ZNF423: variants seen among roughly 807,000 people sequenced by gnomAD.
ZNF423 encodes the protein Ebf-associated zinc finger protein.
ZNF423 carries 12 observed loss-of-function variants against 95.8 expected under a neutral mutation model. That is an observed-to-expected ratio of 0.13 (90% CI 0.08 to 0.20). The LOEUF is 0.20. Among genes scored for constraint, ZNF423 ranks in the 10% least tolerant of loss-of-function variants. ZNF423 has a pLI of 1.00. For missense variants in ZNF423, 1,316 were observed against 1,737.1 expected (o/e 0.76, Z 4.31); for synonymous variants, 749 against 711.9 (o/e 1.05, Z -0.83).
intron 3 of ZNF423, among the ~76,000 whole-genome samples, chr16:49,646,972 T>C (rs935758811): frequency 2.0e-5 from 3 of 152,198 alleles, no homozygotes; most frequent in African/African-American, 7.2e-5. Flanking sequence ...CCCCTTTTTA[T>C]AACTGTGCAA....
At chr16:49,624,116 T>C (rs1042590585) in intron 5 of ZNF423, among the ~76,000 whole-genome samples, 5 of 152,140 alleles carry the variant, frequency 3.3e-5, no homozygotes, top group African/African-American at 1.2e-4. Flanking sequence ...CCAAATCCTA[T>C]ATTCCCATTT....
At chr16:49,644,663 A>C (rs1973108068) in intron 3 of ZNF423, among the ~76,000 whole-genome samples, 1 of 50,878 alleles carries the variant, frequency 2.0e-5, no homozygotes, top group East Asian at 5.5e-4. Context: ...TGACTCAAAA[A>C]AAAAAAAAAA....
chr16:49,554,762 A>T (rs6500233), intron 5 of ZNF423, among the ~76,000 whole-genome samples: 1 of 151,980 alleles, frequency 6.6e-6, no homozygotes, highest in African/African-American at 2.4e-5. Context: ...AAAAACAGAT[A>T]AAGATCGCCC....
At chr16:49,803,401 C>T (rs564092075) in intron 1 of ZNF423, among the ~76,000 whole-genome samples, 2 of 152,176 alleles carry the variant, frequency 1.3e-5, no homozygotes, top group African/African-American at 4.8e-5. Context: ...GTAAGAGAAT[C>T]CACGCTGCAA....
chr16:49,657,262 G>A (rs918615878), intron 3 of ZNF423, among the ~76,000 whole-genome samples: 6 of 152,228 alleles, frequency 3.9e-5, no homozygotes, highest in African/African-American at 1.4e-4. Context: ...CCTAGCCCCA[G>A]GGTCCCACCC....
In ZNF423 at chr16:49,569,977, G is replaced by T. The variant is rs138319776; in HGVS notation, c.3602-44483C>A. On this transcript the variant is annotated intron_variant, in intron 5 of 7. Coordinates refer to ENST00000563137, the MANE Select transcript of ZNF423 (RefSeq NM_001379286.1). Reference sequence around the variant, plus strand: ...GGAATTCAGAGCTGCTAAAGGAGGTGCTGAACTAGCACTTGAAGCCATCTG... The same window carrying T: ...GGAATTCAGAGCTGCTAAAGGAGGTTCTGAACTAGCACTTGAAGCCATCTG... Among the ~76,000 whole-genome samples the T allele has an allele frequency of 1.8e-4, 28 of 152,308 alleles. No individual in the cohort carries two copies. In the East Asian group the frequency reaches 5.2e-3, roughly 28 times the overall value.
chr16:49,790,001 TC>T (rs562758689), intron 1 of ZNF423, among the ~76,000 whole-genome samples: 16 of 151,120 alleles, frequency 1.1e-4, no homozygotes, highest in African/African-American at 3.7e-4. Flanking sequence ...GCAACCAGCC[TC>T]CCCCCCATTC....
chr16:49,838,992 G>T (rs567132317), intron 1 of ZNF423, among the ~76,000 whole-genome samples: 5 of 151,832 alleles, frequency 3.3e-5, no homozygotes, highest in Admixed American at 3.3e-4. Flanking sequence ...GCTCCCCTCG[G>T]GTAGCTGGGC....
At chr16:49,771,644 G>A (rs1243589747) in intron 2 of ZNF423, among the ~76,000 whole-genome samples, 1 of 152,164 alleles carries the variant, frequency 6.6e-6, no homozygotes, top group Non-Finnish European at 1.5e-5. Context: ...GATTTTATAA[G>A]GGGTGTGTCC....
At chr16:49,663,447 A>G (rs2030355768) in intron 3 of ZNF423, among the ~76,000 whole-genome samples, 1 of 151,970 alleles carries the variant, frequency 6.6e-6, no homozygotes, top group African/African-American at 2.4e-5. Context: ...TCTGGCATTC[A>G]GTACTTCAGA....
At chr16:49,779,822 T>C (rs1287940066) in intron 2 of ZNF423, among the ~76,000 whole-genome samples, 3 of 152,116 alleles carry the variant, frequency 2.0e-5, no homozygotes, top group Non-Finnish European at 4.4e-5. Context: ...TTGGAGAAAG[T>C]AGGACTGGCC....
At chr16:49,724,839 A>G (rs2032964686) in intron 3 of ZNF423, among the ~76,000 whole-genome samples, 2 of 152,222 alleles carry the variant, frequency 1.3e-5, no homozygotes, top group South Asian at 4.1e-4. Flanking sequence ...TCAAGAAGGG[A>G]TAGCGGAGAG....
chr16:49,855,046 A>C lies in ZNF423; in HGVS notation c.40+689T>G, dbSNP rs1468763760. 1 of 983,522 alleles carries C rather than the reference A, an allele frequency of 1.0e-6. No homozygotes were observed. The highest frequency in any genetic ancestry group is 1.2e-6 in the Non-Finnish European group (1 of 829,174). 60.9% of individuals were successfully genotyped at this position (983,522 alleles called of 1,614,324 possible). ...GCGTCCCGCCGGCGCCGTGCAGACA[A>C]TGAACTCCTGGCGGAGGCTCCCTGC... On this transcript the variant is annotated intron_variant, in intron 1 of 7. Coordinates refer to ENST00000563137, the MANE Select transcript of ZNF423 (RefSeq NM_001379286.1). The surrounding 1 kb of genome is among the most constrained non-coding windows in gnomAD (Gnocchi z 4.7).
chr16:49,765,582 T>C (rs2033915449), intron 2 of ZNF423, among the ~76,000 whole-genome samples: 2 of 151,800 alleles, frequency 1.3e-5, no homozygotes, highest in South Asian at 2.1e-4. Context: ...TAGCTGGACA[T>C]TGTAGCATGC....
intron 1 of ZNF423, among the ~76,000 whole-genome samples, chr16:49,814,513 G>A (rs1043171699): frequency 6.6e-6 from 1 of 151,756 alleles, no homozygotes; most frequent in Non-Finnish European, 1.5e-5. Flanking sequence ...CAGGATCGGA[G>A]GGCAAGCAGG....
At chr16:49,731,082 G>T (rs2033156168) in intron 2 of ZNF423, 111 bp from the exon 3 acceptor site, 34 of 1,284,032 alleles carry the variant, frequency 2.6e-5, no homozygotes, top group South Asian at 1.2e-4. Context: ...ACCTCCCGGG[G>T]TCCATTATCC....
chr16:49,499,083 A>G (rs1188892980), intron 7 of ZNF423, among the ~76,000 whole-genome samples: 2 of 152,002 alleles, frequency 1.3e-5, no homozygotes, highest in African/African-American at 2.4e-5. Context: ...CATGACCCCC[A>G]CCCAGCAAGC....
chr16:49,845,143 GTTTGTT>G (rs1380459624), intron 1 of ZNF423, among the ~76,000 whole-genome samples: 1 of 149,614 alleles, frequency 6.7e-6, no homozygotes, highest in Non-Finnish European at 1.5e-5. Context: ...TTTTTTGTTT[GTTTGTT>G]TTTGTTTTAA....
intron 7 of ZNF423, among the ~76,000 whole-genome samples, chr16:49,510,712 G>A (rs1372924102): frequency 1.3e-5 from 2 of 152,218 alleles, no homozygotes; most frequent in African/African-American, 2.4e-5. Flanking sequence ...GAGTCAATGC[G>A]GGGCAGGGCT....
Sources: gnomAD v4.1 joint callset for allele counts (sites outside exome capture counted in the v4.1 genomes callset) on GRCh38, gnomAD v4.1.1 for gene constraint, Gnocchi (gnomAD v3.1) non-coding constraint, MANE v1.5 for transcripts, NCBI Gene and HGNC (gene_info 2026-07-23, HGNC 2026-07-21) for gene names.